Variants in OSTN observed in about 807,000 individuals in gnomAD.
OSTN encodes osteocrin.
OSTN carries 9 observed loss-of-function variants against 12.0 expected under a neutral mutation model. The observed-to-expected ratio is 0.75, with a 90% CI of 0.45 to 1.30. OSTN has a LOEUF of 1.30. Among genes scored for constraint, OSTN ranks in the 50% most tolerant of loss-of-function variants. The pLI is 0.00. For missense variants in OSTN, 148 were observed against 152.3 expected (o/e 0.97, Z 0.15); for synonymous variants, 59 against 56.9 (o/e 1.04, Z -0.16).
chr3:191,206,194 A>C (rs900061798), intron 1 of OSTN, among the ~76,000 whole-genome samples: 1 of 152,144 alleles, frequency 6.6e-6, no homozygotes, highest in African/African-American at 2.4e-5. Context: ...CTCAGAAAAA[A>C]AAAAAAAAAT....
At chr3:191,207,771 CT>C in intron 1 of OSTN, among the ~76,000 whole-genome samples, 1 of 152,274 alleles carries the variant, frequency 6.6e-6, no homozygotes, top group African/African-American at 2.4e-5. Context: ...TCTAACACCT[CT>C]TTAAAAATAT....
chr3:191,240,009 C>G (rs1715284371), intron 3 of OSTN, among the ~76,000 whole-genome samples: 1 of 152,184 alleles, frequency 6.6e-6, no homozygotes, highest in South Asian at 2.1e-4. Flanking sequence ...TCAGCTTGAT[C>G]AGCAATAAAA....
intron 3 of OSTN, among the ~76,000 whole-genome samples, chr3:191,238,680 G>T (rs1048981210): frequency 6.6e-6 from 1 of 152,008 alleles, no homozygotes; most frequent in Non-Finnish European, 1.5e-5. Flanking sequence ...AGAGTGTGCC[G>T]CCCTTTTAAA....
chr3:191,208,491 A>G (rs1335143137), intron 1 of OSTN, among the ~76,000 whole-genome samples: 3 of 152,258 alleles, frequency 2.0e-5, no homozygotes, highest in African/African-American at 7.2e-5. Context: ...GCTTTAAACC[A>G]TTAAATGTGT....
chr3:191,208,633 A>G (rs774227366), intron 1 of OSTN, among the ~76,000 whole-genome samples: 2 of 152,214 alleles, frequency 1.3e-5, no homozygotes, highest in Non-Finnish European at 2.9e-5. Context: ...AGACATAATC[A>G]TCAATATTGT....
At chr3:191,202,282 G>A (rs1361229872) in intron 1 of OSTN, among the ~76,000 whole-genome samples, 1 of 152,186 alleles carries the variant, frequency 6.6e-6, no homozygotes, top group African/African-American at 2.4e-5. Context: ...AAAAGTTTAT[G>A]TATGACAATT....
At chr3:191,243,679 G>A (rs1032122498) in intron 3 of OSTN, among the ~76,000 whole-genome samples, 18 of 151,990 alleles carry the variant, frequency 1.2e-4, no homozygotes, top group Admixed American at 7.2e-4. Context: ...GACAGCTACC[G>A]TTTTTTGTTT....
At chr3:191,237,756 C>T (rs1715229248) in intron 3 of OSTN, among the ~76,000 whole-genome samples, 2 of 152,204 alleles carry the variant, frequency 1.3e-5, no homozygotes, top group Non-Finnish European at 2.9e-5. Context: ...CTGCCTTTCC[C>T]TGGTGCTGGC....
At chr3:191,245,931 G>A (rs1452383043) in intron 3 of OSTN, among the ~76,000 whole-genome samples, 2 of 151,662 alleles carry the variant, frequency 1.3e-5, no homozygotes, top group African/African-American at 2.4e-5. Flanking sequence ...GCTGGGCGTG[G>A]TGGTGGGCGC....
chr3:191,208,183 G>T (rs150599098), intron 1 of OSTN, among the ~76,000 whole-genome samples: 5 of 152,036 alleles, frequency 3.3e-5, no homozygotes, highest in Non-Finnish European at 5.9e-5. Context: ...GTGCATTCAC[G>T]CAATCAATGA....
chr3:191,213,605 C>T (rs1429225957), intron 2 of OSTN, among the ~76,000 whole-genome samples: 1 of 151,780 alleles, frequency 6.6e-6, no homozygotes, highest in East Asian at 1.9e-4. Context: ...CAAATATTTT[C>T]TTGGTGCTAT....
At chr3:191,225,597 G>A (rs1169389756) in intron 3 of OSTN, among the ~76,000 whole-genome samples, 2 of 152,090 alleles carry the variant, frequency 1.3e-5, no homozygotes, top group Admixed American at 6.6e-5. Flanking sequence ...ATGGTGGACT[G>A]GATAAAGAAA....
rs552052682 is a variant in OSTN at position 191,200,375 on chromosome 3, A to G, written c.-1+1068A>G. Among the ~76,000 whole-genome samples the G allele has an allele frequency of 4.7e-4, 71 of 152,230 alleles. No individual in the cohort carries two copies. In the South Asian group the frequency reaches 9.3e-3, roughly 20 times the overall value. ...CTCAGGATTTTTAACTGATTCTTATATACTGAATAATGAGCAGTAGAGAAG... is the reference window on the plus strand; with the variant it reads ...CTCAGGATTTTTAACTGATTCTTATGTACTGAATAATGAGCAGTAGAGAAG... On this transcript the variant is annotated intron_variant, in intron 1 of 4. Transcript: ENST00000682035.
At chr3:191,235,970 G>A (rs903723201) in intron 3 of OSTN, among the ~76,000 whole-genome samples, 7 of 152,110 alleles carry the variant, frequency 4.6e-5, no homozygotes, top group African/African-American at 1.7e-4. Context: ...TTTTAAACTC[G>A]AAGTGTTTTT....
chr3:191,243,508 A>G (rs1576936221), intron 3 of OSTN, among the ~76,000 whole-genome samples: 1 of 152,138 alleles, frequency 6.6e-6, no homozygotes, highest in Non-Finnish European at 1.5e-5. Context: ...CAAAACACAT[A>G]ATATTTGCTG....
intron 3 of OSTN, among the ~76,000 whole-genome samples, chr3:191,249,262 C>T (rs1560124401): frequency 6.6e-6 from 1 of 152,126 alleles, no homozygotes; most frequent in East Asian, 1.9e-4. Flanking sequence ...GATCAAAGCT[C>T]TGGATCCTCT....
In OSTN at chr3:191,262,011, G is replaced by A. The variant is rs567033594; in HGVS notation, c.*13-855G>A. ...GCGGGTGGATCACCTGAGGTCAGGA[G>A]TTTGAGACCCGCCCGGCGAACATGG... On this transcript the variant is annotated intron_variant, in intron 4 of 4. Coordinates refer to ENST00000682035, the MANE Select transcript of OSTN (RefSeq NM_198184.2). Among the ~76,000 whole-genome samples the A allele has an allele frequency of 1.6e-3, 242 of 152,304 alleles. 1 individual carries two copies. Among genetic ancestry groups the A allele is most frequent in the African/African-American group, 5.4e-3 (223 of 41,550 alleles).
chr3:191,230,243 G>A (rs1166205224), intron 3 of OSTN, among the ~76,000 whole-genome samples: 1 of 151,904 alleles, frequency 6.6e-6, no homozygotes, highest in African/African-American at 2.4e-5. Context: ...AAAATCATGT[G>A]GGAGATGGCT....
Position 191,218,787 on chromosome 3 carries a change from C to A in OSTN, c.143C>A (p.Thr48Lys). Residue 48 changes from threonine (T) to lysine (K), a missense_variant, in exon 3 of 5, where the codon ACA (threonine) becomes AAA (lysine). By Grantham distance (78) the Thr-to-Lys change is moderately conservative (BLOSUM62 -1). Transcript: ENST00000682035. ...SGVIDVQSTP[T>K]VREEKSATDL... is the part of the protein sequence containing the mutation. ...GTCATAGATGTGCAGTCAACACCCACAGTCAGGGAAGAGAAATCAGCCACT... is the reference window on the plus strand; with the variant it reads ...GTCATAGATGTGCAGTCAACACCCAAAGTCAGGGAAGAGAAATCAGCCACT... 4 of 1,614,084 alleles carry A rather than the reference C, an allele frequency of 2.5e-6. No individual in the cohort carries two copies. Among genetic ancestry groups the A allele is most frequent in the Non-Finnish European group, 3.4e-6 (4 of 1,179,980 alleles).
Sources: allele counts gnomAD v4.1 joint callset (sites outside exome capture counted in the v4.1 genomes callset), GRCh38; gene constraint gnomAD v4.1.1; transcripts MANE v1.5; gene names NCBI Gene and HGNC (gene_info 2026-07-23, HGNC 2026-07-21).